The following SF3B1 variants were observed in gnomAD, a reference collection of about 807,000 sequenced individuals.
SF3B1 encodes splicing factor 3b subunit 1.
SF3B1 carries 12 observed loss-of-function variants against 153.8 expected under a neutral mutation model. The ratio of observed to expected loss-of-function variants is 0.08; its 90% CI spans 0.05 to 0.13. The LOEUF is 0.13. Ranked by LOEUF, SF3B1 falls within the 10% of genes least tolerant of loss-of-function variation. The pLI is 1.00. For synonymous variants in SF3B1, 498 were observed against 525.2 expected, an observed-to-expected ratio of 0.95 and a Z score of 0.71; for missense variants, 513 against 1,606.1, an observed-to-expected ratio of 0.32 and a Z score of 11.63.
rs190642378 is a variant in SF3B1 at position 197,431,881 on chromosome 2, G to A, written c.28+3091C>T. On this transcript the variant is annotated intron_variant, in intron 1 of 24. Transcript: ENST00000335508. ...TGGCTCACACCTGTAATCCTAGCAC[G>A]GTGGGAGGCCAAGGCAGGACTGCTT... Among the ~76,000 whole-genome samples, 331 of 152,132 alleles carry A rather than the reference G, an allele frequency of 2.2e-3. 1 individual carries two copies. The highest frequency in any genetic ancestry group is 7.6e-3 in the African/African-American group (314 of 41,516).
chr2:197,392,600 C>T lies in SF3B1; in HGVS notation c.3757-139G>A. ...GGGGGGGAACCTACTAATTACACTG[C>T]TCTTAAGCTGCAATGGAAGAGACAA... On this transcript the variant is annotated intron_variant, in intron 24 of 24. Coordinates refer to ENST00000335508, the MANE Select transcript of SF3B1 (RefSeq NM_012433.4). 3.5e-6 allele frequency: 2 copies of T among 574,102 alleles called. 1 individual carries two copies. Among genetic ancestry groups the T allele is most frequent in the South Asian group, 4.5e-5 (2 of 44,564 alleles). 35.6% of individuals were successfully genotyped at this position (574,102 alleles called of 1,614,324 possible).
At chr2:197,422,571 T>C (rs1006339291) in intron 2 of SF3B1, among the ~76,000 whole-genome samples, 1 of 151,484 alleles carries the variant, frequency 6.6e-6, no homozygotes, top group Non-Finnish European at 1.5e-5. Context: ...AAAAGAAATA[T>C]ACATCACCTA....
intron 1 of SF3B1, among the ~76,000 whole-genome samples, chr2:197,432,699 G>A: frequency 6.6e-6 from 1 of 152,032 alleles, no homozygotes; most frequent in East Asian, 1.9e-4. Context: ...GCGAAACCCT[G>A]TCTCTAAAAA....
At chr2:197,419,027 G>T in intron 4 of SF3B1, 1 of 1,174,762 alleles carries the variant, frequency 8.5e-7, no homozygotes, top group Non-Finnish European at 1.2e-6. Flanking sequence ...GTTGCAAGCT[G>T]TTAAAATCCT....
Position 197,408,441 on chromosome 2 carries a change from T to C in SF3B1, c.1045A>G (p.Ser349Gly). Reference protein sequence around the residue: ...DETPASQMGGSTPVLTPGKTP... With the variant: ...DETPASQMGGGTPVLTPGKTP... ...TTTCCAGGGGTCAGAACTGGAGTGC[T>C]TCCACCCATCTGACTAGCTGGTGTT... Residue 349 changes from serine to glycine, a missense_variant, in exon 8 of 25, where the codon AGC becomes GGC. Physicochemically the swap from Ser to Gly is moderately conservative, Grantham distance 56 (BLOSUM62 0). This residue lies in a region of SF3B1 where 91 missense variants were observed against 157.4 expected (regional missense o/e 0.58). Coordinates refer to ENST00000335508, the MANE Select transcript of SF3B1 (RefSeq NM_012433.4). 6.2e-7 allele frequency: 1 copy of C among 1,614,156 alleles called. No homozygotes were observed. Among genetic ancestry groups the C allele is most frequent in the Non-Finnish European group, 8.5e-7 (1 of 1,180,032 alleles).
At chr2:197,398,954 A>C in intron 20 of SF3B1, 1 of 897,496 alleles carries the variant, frequency 1.1e-6, no homozygotes, top group Non-Finnish European at 1.6e-6. Context: ...AAATTTCCAG[A>C]AAGGGCCCCC....
At position 197,401,069 on chromosome 2, in the gene SF3B1, C is replaced by A; in HGVS notation, c.2497-133G>T. 1.6e-6 allele frequency: 1 copy of A among 637,776 alleles called. No homozygotes were observed. The highest frequency in any genetic ancestry group is 2.7e-6 in the Non-Finnish European group (1 of 372,480). 39.5% of individuals were successfully genotyped at this position (637,776 alleles called of 1,614,324 possible). A position where few individuals can be genotyped will look rare whatever the true frequency, so the allele number is the denominator to read the frequency against. On this transcript the variant is annotated intron_variant, in intron 17 of 24. Transcript: ENST00000335508. This position sits in a 1 kb window ranked among gnomAD's most constrained non-coding sequence, Gnocchi z 4.2. ...ACATGGTAAGAATGATTCATTGCTA[C>A]TTATTAAAGTTGAAGAGAAAAGTGA...
chr2:197,417,322 A>G (rs1295696911), intron 5 of SF3B1, among the ~76,000 whole-genome samples: 3 of 152,196 alleles, frequency 2.0e-5, no homozygotes, highest in African/African-American at 7.2e-5. Flanking sequence ...TTATACTGAC[A>G]AATTATGTAA....
In SF3B1 at chr2:197,402,725, G is replaced by A. The variant is rs375272421; in HGVS notation, c.1908C>T (p.Ala636=). Residue 636 remains alanine (A), a synonymous_variant, in exon 14 of 25, where the codon GCC becomes GCT. Coordinates refer to ENST00000335508, the MANE Select transcript of SF3B1 (RefSeq NM_012433.4). The surrounding 1 kb of genome is among the most constrained non-coding windows in gnomAD (Gnocchi z 4.6). ...NTTARAFAVV[A]SALGIPSLLP... Reference sequence around the variant, plus strand: ...ATAAAGAAGGAATGCCCAGGGCAGAGGCTACAACAGCAAAAGCTCTAGCTG... The same window carrying A: ...ATAAAGAAGGAATGCCCAGGGCAGAAGCTACAACAGCAAAAGCTCTAGCTG... 1.2e-4 allele frequency: 186 copies of A among 1,613,946 alleles called. No homozygotes were observed. Among genetic ancestry groups the A allele is most frequent in the Non-Finnish European group, 1.5e-4 (176 of 1,180,004 alleles).
chr2:197,396,478 ATTG>A (rs1261867027), intron 22 of SF3B1, 150 bp from the exon 23 acceptor site: 9 of 645,376 alleles, frequency 1.4e-5, no homozygotes, highest in African/African-American at 1.8e-5. Flanking sequence ...AGTCACTGGC[ATTG>A]TTGTTTCTAT....
chr2:197,429,774 A>G (rs1173109840), intron 1 of SF3B1, among the ~76,000 whole-genome samples: 1 of 147,840 alleles, frequency 6.8e-6, no homozygotes, highest in East Asian at 2.0e-4. Context: ...ACAGAGCAAG[A>G]CTCTGTCTCA....
rs550137749 is a variant in SF3B1 at position 197,401,685 on chromosome 2, A to G, written c.2370+57T>C. 8.4e-6 allele frequency: 13 copies of G among 1,543,562 alleles called. No homozygotes were observed. In the East Asian group the frequency reaches 2.7e-4, roughly 32 times the overall value. ...TGTTGATTTTTAAAAACACTTTAAAATTCTGTTAGAACCATGAAACATATC... is the reference window on the plus strand; with the variant it reads ...TGTTGATTTTTAAAAACACTTTAAAGTTCTGTTAGAACCATGAAACATATC... On this transcript the variant is annotated intron_variant, in intron 16 of 24. Transcript: ENST00000335508. This position sits in a 1 kb window ranked among gnomAD's most constrained non-coding sequence, Gnocchi z 4.2.
At chr2:197,426,415 C>T (rs1255555360) in intron 1 of SF3B1, among the ~76,000 whole-genome samples, 1 of 152,068 alleles carries the variant, frequency 6.6e-6, no homozygotes, top group Non-Finnish European at 1.5e-5. Context: ...CCTGCCTCAG[C>T]CTCCCAAATA....
Position 197,400,951 on chromosome 2 carries a change from AAAAC to A in SF3B1, c.2497-19_2497-16del, listed in dbSNP as rs1474389349. 1 of 1,540,572 alleles carries A rather than the reference AAAAC, an allele frequency of 6.5e-7. No individual in the cohort carries two copies. The highest frequency in any genetic ancestry group is 8.9e-7 in the Non-Finnish European group (1 of 1,121,502). On this transcript the variant is annotated splice_polypyrimidine_tract_variant and intron_variant, in intron 17 of 24. Transcript: ENST00000335508. This position sits in a 1 kb window ranked among gnomAD's most constrained non-coding sequence, Gnocchi z 5.0. ...GTATCAACTAACTAAAAAGAACAGAAAAACAAAAAACCTTTTAGACTGCTTTTCC... is the reference window on the plus strand; with the variant it reads ...GTATCAACTAACTAAAAAGAACAGAAAAAAAACCTTTTAGACTGCTTTTCC...
chr2:197,431,677 C>T (rs1008289988), intron 1 of SF3B1, among the ~76,000 whole-genome samples: 2 of 152,146 alleles, frequency 1.3e-5, no homozygotes, highest in African/African-American at 4.8e-5. Flanking sequence ...TTCTAAAAGA[C>T]ATCACAGAAA....
Position 197,402,380 on chromosome 2 carries a change from G to A in SF3B1, c.2077+176C>T. On this transcript the variant is annotated intron_variant, in intron 14 of 24. Transcript: ENST00000335508. This position sits in a 1 kb window ranked among gnomAD's most constrained non-coding sequence, Gnocchi z 4.6. ...CCCCAAATCAGTAGCCCAAATTTTA[G>A]GACAGCTGTCCTATTAAACATGGAC... 1 of 694,094 alleles carries A rather than the reference G, an allele frequency of 1.4e-6. No individual in the cohort carries two copies. The highest frequency in any genetic ancestry group is 2.4e-6 in the Non-Finnish European group (1 of 424,694). The allele number at this position is 694,094 out of a possible 1,614,324, so 43.0% of individuals were successfully genotyped here.
In SF3B1 at chr2:197,409,894, G is replaced by A. The variant is rs2105996137; in HGVS notation, c.780C>T (p.His260=). The change falls in exon 7 of 25, where the codon CAC becomes CAT. Residue 260 remains histidine, a synonymous_variant. Coordinates refer to ENST00000335508, the MANE Select transcript of SF3B1 (RefSeq NM_012433.4). ...CAGGAGTAGCAGCTCCCGCTGGTGT[G>A]TGGCTAGGTGTAGGATCCCATATTT... ...GSKIWDPTPS[H]TPAGAATPGR... 1.9e-6 allele frequency: 3 copies of A among 1,614,188 alleles called. No individual in the cohort carries two copies. Among genetic ancestry groups the A allele is most frequent in the Non-Finnish European group, 2.5e-6 (3 of 1,180,042 alleles).
intron 9 of SF3B1, among the ~76,000 whole-genome samples, chr2:197,407,433 T>C (rs1326762364): frequency 2.0e-5 from 3 of 152,054 alleles, no homozygotes; most frequent in African/African-American, 7.2e-5. Context: ...GGCGAAACCC[T>C]GTCTCTACTA....
chr2:197,403,253 T>A lies in SF3B1; in HGVS notation c.1720-218A>T, dbSNP rs145836902. 4.8e-3 allele frequency among the ~76,000 whole-genome samples: 730 copies of A among 152,302 alleles called. 8 individuals carry two copies. The highest frequency in any genetic ancestry group is 0.016 in the African/African-American group (674 of 41,556). ...TGACACACTAATATTCAATATTTTT[T>A]AAAGAAATAACTTATACACCCTATG... On this transcript the variant is annotated intron_variant, in intron 12 of 24. Transcript: ENST00000335508.
Sources: allele counts gnomAD v4.1 joint callset (sites outside exome capture counted in the v4.1 genomes callset), GRCh38; gene constraint gnomAD v4.1.1; regional missense constraint gnomAD v4.1.1; non-coding constraint Gnocchi (gnomAD v3.1); transcripts MANE v1.5; gene names NCBI Gene and HGNC (gene_info 2026-07-23, HGNC 2026-07-21).